FRAS1: variants seen among roughly 807,000 people sequenced by gnomAD.
The protein encoded by FRAS1 is Fraser extracellular matrix complex subunit 1, also known as extracellular matrix organizing protein FRAS1.
Under a neutral mutation model 435.2 loss-of-function variants are expected in FRAS1, and 290 were observed. The ratio of observed to expected loss-of-function variants is 0.67; its 90% CI spans 0.61 to 0.73. The LOEUF is 0.73. Ranked by LOEUF, FRAS1 falls within the 30% of genes least tolerant of loss-of-function variation. FRAS1 has a pLI of 0.00. For missense variants in FRAS1, 4,860 were observed against 5,001.5 expected (o/e 0.97, Z 0.85); for synonymous variants, 1,800 against 1,851.0 (o/e 0.97, Z 0.71).
rs1423988390 is a variant in FRAS1, at chr4:78,430,357, C to T, written c.4909C>T (p.Pro1637Ser). Residue 1637 changes from proline (P) to serine (S), a missense_variant, in exon 37 of 74, where the codon CCT (proline) becomes TCT (serine). Pro to Ser is a moderately conservative substitution (Grantham distance 74). Transcript: ENST00000512123. Reference sequence around the variant, plus strand: ...AGAACTCTTCTTTGAGCTTCGGAGACCTCCACAGCATGGTGTGCTTCTTAA... The same window carrying T: ...AGAACTCTTCTTTGAGCTTCGGAGATCTCCACAGCATGGTGTGCTTCTTAA... ...PKELFFELRR[P>S]PQHGVLLKHT... is the part of the protein sequence containing the mutation. The T allele has an allele frequency of 3.0e-5, 49 of 1,613,632 alleles. No homozygotes were observed. Among genetic ancestry groups the T allele is most frequent in the Non-Finnish European group, 4.1e-5 (48 of 1,179,798 alleles).
chr4:78,142,132 A>G (rs1191710034), intron 2 of FRAS1, among the ~76,000 whole-genome samples: 3 of 126,724 alleles, frequency 2.4e-5, no homozygotes, highest in African/African-American at 3.5e-5. Flanking sequence ...TAACTTATGG[A>G]AAAAAAAATG....
chr4:78,200,903 GTA>G (rs56681096), intron 2 of FRAS1, among the ~76,000 whole-genome samples: 39,634 of 142,442 alleles, frequency 0.28, 6,329 homozygotes, highest in South Asian at 0.52. Context: ...ATATAAATAC[GTA>G]TATATATATA....
Position 78,479,394 on chromosome 4 carries a change from T to A in FRAS1, c.8119T>A (p.Ser2707Thr), listed in dbSNP as rs1254321103. Reference sequence around the variant, plus strand: ...TTCAGGAGATGCAAGCAGCATTGTATCTGCAATTTGCTACACAGTCCCTAA... The same window carrying A: ...TTCAGGAGATGCAAGCAGCATTGTAACTGCAATTTGCTACACAGTCCCTAA... ...ERKGDASSIVSAICYTVPKSA... is the reference protein window; with the variant it reads ...ERKGDASSIVTAICYTVPKSA... Residue 2707 changes from serine (S) to threonine (T), a missense_variant, in exon 56 of 74, where the codon TCT (serine) becomes ACT (threonine). Ser to Thr is a moderately conservative substitution (Grantham distance 58). Transcript: ENST00000512123. 1.3e-6 allele frequency: 2 copies of A among 1,500,458 alleles called. No homozygotes were observed. Among genetic ancestry groups the A allele is most frequent in the Admixed American group, 4.3e-5 (2 of 46,138 alleles). The allele number at this position is 1,500,458 out of a possible 1,614,324, so 92.9% of individuals were successfully genotyped here.
chr4:78,366,960 C>G (rs1731297074), intron 22 of FRAS1, among the ~76,000 whole-genome samples: 1 of 152,218 alleles, frequency 6.6e-6, no homozygotes, highest in Non-Finnish European at 1.5e-5. Context: ...ATGGAAGCCA[C>G]CTGTTTCTCA....
intron 29 of FRAS1, among the ~76,000 whole-genome samples, chr4:78,395,646 C>T (rs1337776048): frequency 6.6e-6 from 1 of 151,928 alleles, no homozygotes; most frequent in Admixed American, 6.6e-5. Context: ...GACTTCAAAG[C>T]TATTTTGCCT....
At chr4:78,168,468 C>T (rs746132464) in intron 2 of FRAS1, among the ~76,000 whole-genome samples, 4 of 151,862 alleles carry the variant, frequency 2.6e-5, no homozygotes, top group Non-Finnish European at 5.9e-5. Context: ...AATAGTCACA[C>T]AGGATGGTTT....
chr4:78,134,968 T>C, intron 2 of FRAS1, among the ~76,000 whole-genome samples: 1 of 152,140 alleles, frequency 6.6e-6, no homozygotes, highest in South Asian at 2.1e-4. Context: ...TATTTTATTA[T>C]TTTTTTAAAA....
Position 78,245,322 on chromosome 4 carries a change from T to C in FRAS1, c.306T>C (p.His102=). The part of the protein sequence containing the change: ...PGSCHHEKKI[H]EHGTEWASSP... ...CTTGCCATCATGAAAAGAAAATCCA[T>C]GAGGTAAGTGTTTTCTGACTCACGG... Residue 102 remains histidine (H), a synonymous_variant, in exon 4 of 74, where the codon CAT becomes CAC. Coordinates refer to ENST00000512123, the MANE Select transcript of FRAS1 (RefSeq NM_025074.7). The C allele has an allele frequency of 6.3e-7, 1 of 1,593,028 alleles. No individual in the cohort carries two copies. The highest frequency in any genetic ancestry group is 8.6e-7 in the Non-Finnish European group (1 of 1,166,218).
rs1383344632 is a variant in FRAS1, at chr4:78,522,679, C to T, written c.10679C>T (p.Pro3560Leu). 6.2e-7 allele frequency: 1 copy of T among 1,608,160 alleles called. No homozygotes were observed. Among genetic ancestry groups the T allele is most frequent in the Non-Finnish European group, 8.5e-7 (1 of 1,176,990 alleles). The change falls in exon 69 of 74, where the codon CCA becomes CTA. Residue 3560 changes from proline to leucine, a missense_variant. Physicochemically the swap from Pro to Leu is moderately conservative, Grantham distance 98. Coordinates refer to ENST00000512123, the MANE Select transcript of FRAS1 (RefSeq NM_025074.7). ...TTTGTGATGGAGCATCACACTCTCC[C>T]AGAAGTGAAATCTTTCGTATTGACT... ...GQFVMEHHTL[P>L]EVKSFVLTPD...
chr4:78,154,970 G>T (rs1720821066), intron 2 of FRAS1, among the ~76,000 whole-genome samples: 2 of 152,184 alleles, frequency 1.3e-5, no homozygotes, highest in Non-Finnish European at 2.9e-5. Flanking sequence ...CAGTGGAGTA[G>T]CATGAATGAC....
At chr4:78,510,656 G>GT (rs1358716896) in intron 63 of FRAS1, among the ~76,000 whole-genome samples, 3 of 152,178 alleles carry the variant, frequency 2.0e-5, no homozygotes, top group African/African-American at 7.2e-5. Context: ...CATAGATTGA[G>GT]TTAAGCACTC....
intron 2 of FRAS1, among the ~76,000 whole-genome samples, chr4:78,223,564 G>T (rs1376770440): frequency 6.6e-6 from 1 of 152,076 alleles, no homozygotes; most frequent in Non-Finnish European, 1.5e-5. Context: ...CAACACTTTA[G>T]GGTAGATTAT....
intron 2 of FRAS1, among the ~76,000 whole-genome samples, chr4:78,117,553 C>T (rs1195426256): frequency 6.6e-6 from 1 of 152,188 alleles, no homozygotes; most frequent in Non-Finnish European, 1.5e-5. Context: ...TTTCTCTAAA[C>T]TTCTCTTCTC....
chr4:78,374,168 G>A lies in FRAS1; in HGVS notation c.3068G>A (p.Gly1023Glu), dbSNP rs17459809. The A allele has an allele frequency of 0.02, 32,457 of 1,605,972 alleles. 375 individuals carry two copies. Among genetic ancestry groups the A allele is most frequent in the Middle Eastern group, 0.03 (179 of 6,024 alleles). Residue 1023 changes from glycine to glutamate, a missense_variant, in exon 25 of 74, where the codon GGG becomes GAG. By Grantham distance (98) the Gly-to-Glu change is moderately conservative. Coordinates refer to ENST00000512123, the MANE Select transcript of FRAS1 (RefSeq NM_025074.7). ...QGPHECTRCKGPFLLLEAQCV... is the reference protein window; with the variant it reads ...QGPHECTRCKEPFLLLEAQCV... Reference sequence around the variant, plus strand: ...CCCCATGAGTGTACCCGCTGCAAAGGGCCATTTCTCCTCTTGGAAGCCCAG... The same window carrying A: ...CCCCATGAGTGTACCCGCTGCAAAGAGCCATTTCTCCTCTTGGAAGCCCAG...
In FRAS1 at chr4:78,489,060, A is replaced by C. The variant is rs1403051595; in HGVS notation, c.8938A>C (p.Thr2980Pro). The C allele has an allele frequency of 6.2e-7, 1 of 1,613,128 alleles. No individual in the cohort carries two copies. Among genetic ancestry groups the C allele is most frequent in the Admixed American group, 1.7e-5 (1 of 59,982 alleles). Reference sequence around the variant, plus strand: ...ACAAAATGCAGACTCTTCACGGATTACATTTCTCAAAGGGGACAAAGTAAG... The same window carrying C: ...ACAAAATGCAGACTCTTCACGGATTCCATTTCTCAAAGGGGACAAAGTAAG... ...ERQNADSSRI[T>P]FLKGDKVKNC... The change falls in exon 59 of 74, where the codon ACA becomes CCA. Residue 2980 changes from threonine (T) to proline (P), a missense_variant. By Grantham distance (38) the Thr-to-Pro change is conservative. Coordinates refer to ENST00000512123, the MANE Select transcript of FRAS1 (RefSeq NM_025074.7).
intron 2 of FRAS1, chr4:78,070,783 C>G (rs1402150471): frequency 1.3e-5 from 2 of 152,218 alleles, no homozygotes; most frequent in Non-Finnish European, 2.9e-5. Context: ...CAAGCAAACA[C>G]ATATCCTTTT....
intron 2 of FRAS1, among the ~76,000 whole-genome samples, chr4:78,113,049 T>C (rs1742852175): frequency 6.6e-6 from 1 of 152,164 alleles, no homozygotes; most frequent in Non-Finnish European, 1.5e-5. Context: ...CATTGTTCAA[T>C]TCCCACCTAT....
intron 58 of FRAS1, 80 bp downstream of exon 58, chr4:78,482,615 A>G: frequency 7.1e-7 from 1 of 1,417,438 alleles, no homozygotes; most frequent in Non-Finnish European, 9.8e-7. Flanking sequence ...TGACATTGGA[A>G]CTCATTCACA....
chr4:78,227,381 A>G (rs575012203), intron 2 of FRAS1, among the ~76,000 whole-genome samples: 2 of 152,354 alleles, frequency 1.3e-5, no homozygotes, highest in South Asian at 4.1e-4. Flanking sequence ...CTAAACCAGC[A>G]GCCTTCAAAG....
Sources: allele counts gnomAD v4.1 joint callset (sites outside exome capture counted in the v4.1 genomes callset), GRCh38; gene constraint gnomAD v4.1.1; transcripts MANE v1.5; gene names NCBI Gene and HGNC (gene_info 2026-07-23, HGNC 2026-07-21).